TMEM135: variants seen among roughly 807,000 people sequenced by gnomAD.
TMEM135 encodes transmembrane protein 135.
Under a neutral mutation model 60.3 loss-of-function variants are expected in TMEM135, and 30 were observed. The observed-to-expected ratio is 0.50, with a 90% CI of 0.37 to 0.68. The LOEUF (loss-of-function observed/expected upper bound fraction) is 0.68, where lower values mean the gene tolerates loss of function less well. Ranked by LOEUF, TMEM135 falls within the 30% of genes least tolerant of loss-of-function variation. The probability of loss-of-function intolerance (pLI) is 0.00; values close to 1 mark genes in which losing one functional copy is unlikely to be tolerated. For synonymous variants in TMEM135, 190 were observed against 186.7 expected (o/e 1.02, Z -0.14); for missense variants, 468 against 548.8 (o/e 0.85, Z 1.47).
intron 6 of TMEM135, among the ~76,000 whole-genome samples, chr11:87,238,861 A>G (rs1170315291): frequency 6.6e-6 from 1 of 151,984 alleles, no homozygotes; most frequent in Non-Finnish European, 1.5e-5. Context: ...TCTCAAGTAA[A>G]TTTTCTTTTT....
rs1407457502 is a variant in TMEM135, at chr11:87,317,065, C to G, written c.1078-1072C>G. Among the ~76,000 whole-genome samples, 3 of 151,894 alleles carry G rather than the reference C, an allele frequency of 2.0e-5. 1 individual carries two copies. In the Middle Eastern group the frequency reaches 0.01, roughly 517 times the overall value. On this transcript the variant is annotated intron_variant, in intron 12 of 14. Coordinates refer to ENST00000305494, the MANE Select transcript of TMEM135 (RefSeq NM_022918.4). ...GTATAGACCATTGTTTTCTAGGAAC[C>G]TCTGAGTCAAATGCATGTATTTATT...
At chr11:87,274,193 A>G (rs1052190575) in intron 6 of TMEM135, among the ~76,000 whole-genome samples, 1 of 152,186 alleles carries the variant, frequency 6.6e-6, no homozygotes, top group African/African-American at 2.4e-5. Flanking sequence ...GCTGCTGAAC[A>G]CTAAATAATT....
At chr11:87,158,856 A>C (rs1364790436) in intron 5 of TMEM135, among the ~76,000 whole-genome samples, 1 of 152,190 alleles carries the variant, frequency 6.6e-6, no homozygotes, top group East Asian at 1.9e-4. Context: ...ATGTGGTGTC[A>C]TTTTGAAAAA....
intron 5 of TMEM135, among the ~76,000 whole-genome samples, chr11:87,191,309 C>T (rs894285759): frequency 2.0e-5 from 3 of 151,738 alleles, no homozygotes; most frequent in Admixed American, 6.6e-5. Flanking sequence ...GGCACGATCT[C>T]GGCTCACTGC....
chr11:87,045,249 C>G (rs1004883186), intron 1 of TMEM135, among the ~76,000 whole-genome samples: 1 of 151,888 alleles, frequency 6.6e-6, no homozygotes, highest in African/African-American at 2.4e-5. Flanking sequence ...CCAGGATGGT[C>G]TCGATCTCCT....
At chr11:87,096,222 T>C (rs963101460) in intron 4 of TMEM135, 5 of 293,148 alleles carry the variant, frequency 1.7e-5, no homozygotes, top group African/African-American at 9.0e-5. Context: ...TTCGTCCTTA[T>C]TGATGTCTGC....
intron 5 of TMEM135, among the ~76,000 whole-genome samples, chr11:87,190,579 C>A (rs1041829377): frequency 2.0e-5 from 3 of 151,772 alleles, no homozygotes; most frequent in Non-Finnish European, 4.4e-5. Context: ...AAAAAAAAAA[C>A]TTTAAAGTGC....
intron 4 of TMEM135, among the ~76,000 whole-genome samples, chr11:87,143,812 C>G (rs1019272838): frequency 8.5e-5 from 13 of 152,144 alleles, no homozygotes; most frequent in Non-Finnish European, 1.5e-4. Flanking sequence ...TGAACTTTGA[C>G]ATGTAACCAC....
intron 6 of TMEM135, among the ~76,000 whole-genome samples, chr11:87,284,897 C>T (rs1472040539): frequency 6.6e-6 from 1 of 152,168 alleles, no homozygotes. Flanking sequence ...TGAAACTGAA[C>T]TCTCTTAGTC....
intron 6 of TMEM135, among the ~76,000 whole-genome samples, chr11:87,267,793 A>G (rs1275051281): frequency 1.3e-5 from 2 of 152,076 alleles, no homozygotes; most frequent in South Asian, 2.1e-4. Flanking sequence ...CCCGGGTTCA[A>G]GTGATTCTCC....
At chr11:87,207,456 G>T (rs984103202) in intron 5 of TMEM135, among the ~76,000 whole-genome samples, 9 of 151,974 alleles carry the variant, frequency 5.9e-5, no homozygotes, top group African/African-American at 2.2e-4. Flanking sequence ...GGGATTCAAG[G>T]GCTGCGTATT....
chr11:87,240,719 T>C (rs1246147790), intron 6 of TMEM135, among the ~76,000 whole-genome samples: 1 of 152,078 alleles, frequency 6.6e-6, no homozygotes, highest in Non-Finnish European at 1.5e-5. Flanking sequence ...TGGGGAATAT[T>C]TGAGAGAAAA....
intron 5 of TMEM135, among the ~76,000 whole-genome samples, chr11:87,191,326 C>T (rs1438753055): frequency 3.3e-5 from 5 of 151,964 alleles, no homozygotes; most frequent in Admixed American, 2.0e-4. Context: ...CTGCAAGCTC[C>T]GCCTCCTGGG....
At chr11:87,090,044 G>C (rs1857174231) in intron 3 of TMEM135, among the ~76,000 whole-genome samples, 1 of 151,950 alleles carries the variant, frequency 6.6e-6, no homozygotes, top group Non-Finnish European at 1.5e-5. Context: ...TTTTTGTAAG[G>C]GCAATTGGGT....
chr11:87,178,502 T>G (rs1301644577), intron 5 of TMEM135: 2 of 456,052 alleles, frequency 4.4e-6, no homozygotes, highest in African/African-American at 2.0e-5. Context: ...TTCAGCTCCC[T>G]GCAGCCTCTG....
At chr11:87,177,816 C>T (rs1168509349) in intron 5 of TMEM135, among the ~76,000 whole-genome samples, 3 of 152,120 alleles carry the variant, frequency 2.0e-5, no homozygotes, top group Non-Finnish European at 2.9e-5. Context: ...GCCACAAATG[C>T]AGAACATTCA....
rs1412483720 is a variant in TMEM135, at chr11:87,322,257, C to T, written c.*924C>T. 1.1e-5 allele frequency: 5 copies of T among 454,260 alleles called. No individual in the cohort carries two copies. The highest frequency in any genetic ancestry group is 2.4e-5 in the Admixed American group (1 of 42,544). The allele number at this position is 454,260 out of a possible 1,614,324, so 28.1% of individuals were successfully genotyped here. A position where few individuals can be genotyped will look rare whatever the true frequency, so the allele number is the denominator to read the frequency against. ...ATCCTATGGAACAAAGTAGTCTTGGCAAGTTGGCAGTTTGTGTCCTCTCAG... is the reference window on the plus strand; with the variant it reads ...ATCCTATGGAACAAAGTAGTCTTGGTAAGTTGGCAGTTTGTGTCCTCTCAG... On this transcript the variant is annotated 3_prime_UTR_variant, in exon 15 of 15. Coordinates refer to ENST00000305494, the MANE Select transcript of TMEM135 (RefSeq NM_022918.4).
At chr11:87,207,499 G>T (rs1169960288) in intron 5 of TMEM135, among the ~76,000 whole-genome samples, 2 of 152,078 alleles carry the variant, frequency 1.3e-5, no homozygotes, top group African/African-American at 4.8e-5. Context: ...AAGCAACATT[G>T]TTTACTTAAT....
At chr11:87,142,075 A>G (rs982746644) in intron 4 of TMEM135, among the ~76,000 whole-genome samples, 1 of 152,170 alleles carries the variant, frequency 6.6e-6, no homozygotes, top group Non-Finnish European at 1.5e-5. Flanking sequence ...GCTTTGCTTT[A>G]GATCTCTTTA....
Sources: gnomAD v4.1 joint callset for allele counts (sites outside exome capture counted in the v4.1 genomes callset) on GRCh38, gnomAD v4.1.1 for gene constraint, MANE v1.5 for transcripts, NCBI Gene and HGNC (gene_info 2026-07-23, HGNC 2026-07-21) for gene names.